MALRD1: variants seen among roughly 807,000 people sequenced by gnomAD.
MALRD1 encodes the protein MAM and LDL-receptor class A domain-containing protein 1.
In MALRD1, 247 loss-of-function variants were observed where a neutral mutation model predicts 242.1. The observed-to-expected ratio is 1.02, with a 90% confidence interval of 0.92 to 1.13. MALRD1 has a LOEUF of 1.13. Ranked by LOEUF, MALRD1 falls within the 50% of genes most tolerant of loss-of-function variation. MALRD1 has a pLI of 0.00. For synonymous variants in MALRD1, 995 were observed against 866.6 expected (o/e 1.15, Z -2.60); for missense variants, 2,989 against 2,533.1 (o/e 1.18, Z -3.86).
At chr10:19,280,342 T>A in intron 20 of MALRD1, 119 bp downstream of exon 20, 1 of 685,018 alleles carries the variant, frequency 1.5e-6, no homozygotes, top group Non-Finnish European at 2.1e-6. Context: ...TTAGAGCAAC[T>A]TCTAAATGTA....
At chr10:19,695,074 G>A (rs781771532) in intron 38 of MALRD1, among the ~76,000 whole-genome samples, 2 of 152,108 alleles carry the variant, frequency 1.3e-5, no homozygotes, top group African/African-American at 2.4e-5. Flanking sequence ...GCCTGTCATG[G>A]GGTGGGGCTA....
intron 36 of MALRD1, among the ~76,000 whole-genome samples, chr10:19,654,686 T>C (rs1409744): frequency 0.11 from 16,301 of 152,144 alleles, 2,204 homozygotes; most frequent in African/African-American, 0.32. Context: ...ACAAAGTTCC[T>C]GAAAGAAACT....
chr10:19,697,812 A>C (rs1337168850), intron 38 of MALRD1, among the ~76,000 whole-genome samples: 1 of 151,548 alleles, frequency 6.6e-6, no homozygotes, highest in African/African-American at 2.4e-5. Context: ...GCCAGGCTCT[A>C]CTCCTATTTA....
intron 23 of MALRD1, among the ~76,000 whole-genome samples, chr10:19,328,158 A>C (rs1460321919): frequency 2.6e-5 from 4 of 152,166 alleles, no homozygotes; most frequent in Non-Finnish European, 4.4e-5. Flanking sequence ...TTGTGATAGT[A>C]GTAAGAGGAT....
chr10:19,548,737 C>T (rs1405398609), intron 32 of MALRD1, among the ~76,000 whole-genome samples: 1 of 152,318 alleles, frequency 6.6e-6, no homozygotes, highest in African/African-American at 2.4e-5. Context: ...TCCCTCTCTT[C>T]GGGCCTCCCT....
chr10:19,081,280 A>C (rs1835482041), intron 2 of MALRD1, among the ~76,000 whole-genome samples: 1 of 151,988 alleles, frequency 6.6e-6, no homozygotes, highest in African/African-American at 2.4e-5. Context: ...AACCAAATAA[A>C]TATAAACGAT....
At chr10:19,588,192 A>G (rs753803936) in intron 33 of MALRD1, among the ~76,000 whole-genome samples, 76 of 152,270 alleles carry the variant, frequency 5.0e-4, no homozygotes, top group Admixed American at 9.8e-4. Flanking sequence ...TTGTTGATCT[A>G]TGCTTTTACT....
intron 31 of MALRD1, among the ~76,000 whole-genome samples, chr10:19,509,585 C>T (rs1833301215): frequency 6.6e-6 from 1 of 152,118 alleles, no homozygotes; most frequent in East Asian, 1.9e-4. Flanking sequence ...TTGTCACCAT[C>T]ATAGTGGATA....
intron 36 of MALRD1, among the ~76,000 whole-genome samples, chr10:19,666,629 A>G (rs928436458): frequency 6.6e-6 from 1 of 152,274 alleles, no homozygotes; most frequent in African/African-American, 2.4e-5. Context: ...TTCTCCCTGA[A>G]TCATGTTTAT....
intron 28 of MALRD1, among the ~76,000 whole-genome samples, chr10:19,439,408 G>T (rs186171320): frequency 4.9e-4 from 74 of 152,018 alleles, no homozygotes; most frequent in Non-Finnish European, 7.4e-5. Context: ...TTGTAGTGGC[G>T]CATCCCTGCA....
At chr10:19,057,134 A>G (rs747235867) in intron 1 of MALRD1, among the ~76,000 whole-genome samples, 4 of 152,172 alleles carry the variant, frequency 2.6e-5, no homozygotes, top group Non-Finnish European at 4.4e-5. Context: ...TGCAGCTTTT[A>G]TCCTTTAAGT....
chr10:19,215,570 G>A (rs998071091), intron 18 of MALRD1, among the ~76,000 whole-genome samples: 1 of 151,948 alleles, frequency 6.6e-6, no homozygotes, highest in African/African-American at 2.4e-5. Context: ...TGATTTCACC[G>A]TTCTTTCACC....
chr10:19,139,289 G>T (rs10826990), intron 10 of MALRD1, among the ~76,000 whole-genome samples: 1 of 151,956 alleles, frequency 6.6e-6, no homozygotes, highest in Non-Finnish European at 1.5e-5. Flanking sequence ...AAATAAAAGA[G>T]GCTTTCCTTT....
At chr10:19,419,980 T>A (rs181526897) in intron 28 of MALRD1, among the ~76,000 whole-genome samples, 54 of 152,348 alleles carry the variant, frequency 3.5e-4, no homozygotes, top group African/African-American at 1.1e-3. Context: ...TGTAAAGTTT[T>A]GGTGCCGCAA....
At chr10:19,580,632 T>G (rs1483237989) in intron 33 of MALRD1, among the ~76,000 whole-genome samples, 3 of 152,186 alleles carry the variant, frequency 2.0e-5, no homozygotes, top group Non-Finnish European at 4.4e-5. Context: ...TTATGTTGTG[T>G]TAAGTCTGAA....
chr10:19,382,548 G>A (rs934529387), intron 26 of MALRD1, among the ~76,000 whole-genome samples: 22 of 152,144 alleles, frequency 1.4e-4, no homozygotes, highest in African/African-American at 4.6e-4. Context: ...TATAATAGAA[G>A]TTTTATTTTT....
chr10:19,119,951 C>T lies in MALRD1; in HGVS notation c.695-3541C>T, dbSNP rs528703440. On this transcript the variant is annotated intron_variant, in intron 5 of 39. Coordinates refer to ENST00000454679, the MANE Select transcript of MALRD1 (RefSeq NM_001142308.3). ...TGTCTCAGTCATACTTTTGCAAAGGCGGTTTCAAGATTTAGACCTATTTCT... is the reference window on the plus strand; with the variant it reads ...TGTCTCAGTCATACTTTTGCAAAGGTGGTTTCAAGATTTAGACCTATTTCT... Among the ~76,000 whole-genome samples the T allele has an allele frequency of 3.9e-5, 6 of 152,254 alleles. No homozygotes were observed. In the East Asian group the frequency reaches 7.7e-4, roughly 20 times the overall value.
intron 38 of MALRD1, among the ~76,000 whole-genome samples, chr10:19,703,753 G>A (rs1564554778): frequency 6.6e-6 from 1 of 152,092 alleles, no homozygotes; most frequent in Non-Finnish European, 1.5e-5. Flanking sequence ...AAATTAGCCA[G>A]GGGTGGTGGC....
At chr10:19,212,427 A>G (rs1235597663) in intron 18 of MALRD1, among the ~76,000 whole-genome samples, 2 of 152,082 alleles carry the variant, frequency 1.3e-5, no homozygotes, top group African/African-American at 4.8e-5. Context: ...AATTATTTTG[A>G]GATTCATTCA....
Sources: allele counts gnomAD v4.1 joint callset (sites outside exome capture counted in the v4.1 genomes callset), GRCh38; gene constraint gnomAD v4.1.1; transcripts MANE v1.5; gene names NCBI Gene and HGNC (gene_info 2026-07-23, HGNC 2026-07-21).